RBM20: variants seen among roughly 807,000 people sequenced by gnomAD.
RBM20 encodes RNA-binding protein 20.
A neutral mutation model predicts 110.1 loss-of-function variants in RBM20; 51 were observed. That is an observed-to-expected ratio of 0.46 (90% confidence interval 0.37 to 0.59). The LOEUF is 0.59. Ranked by LOEUF, RBM20 falls within the 20% of genes least tolerant of loss-of-function variation. The pLI is 0.00. For synonymous variants in RBM20, 589 were observed against 618.2 expected (o/e 0.95, Z 0.70); for missense variants, 1,512 against 1,574.9 (o/e 0.96, Z 0.68).
chr10:110,836,240 T>C lies in RBM20; in HGVS notation c.*262T>C, dbSNP rs1460432640. On this transcript the variant is annotated 3_prime_UTR_variant, in exon 14 of 14. Coordinates refer to ENST00000369519, the MANE Select transcript of RBM20 (RefSeq NM_001134363.3). The stretch of plus-strand genomic sequence containing the variant: ...CTCTTGTTTCTCTCAATCTTTCAAT[T>C]CGTTTTTCTCTCTTTTCCTCTTGTT... 8 of 288,690 alleles carry C rather than the reference T, an allele frequency of 2.8e-5. No individual in the cohort carries two copies. The highest frequency in any genetic ancestry group is 5.1e-5 in the Non-Finnish European group (8 of 156,288). 17.9% of individuals were successfully genotyped at this position (288,690 alleles called of 1,614,324 possible).
At chr10:110,798,000 T>G (rs921809575) in intron 6 of RBM20, among the ~76,000 whole-genome samples, 38 of 152,318 alleles carry the variant, frequency 2.5e-4, no homozygotes, top group Non-Finnish European at 3.8e-4. Flanking sequence ...AATTATAATC[T>G]TATCCTCTAA....
intron 1 of RBM20, among the ~76,000 whole-genome samples, chr10:110,704,884 A>G (rs953691943): frequency 6.6e-6 from 1 of 152,224 alleles, no homozygotes; most frequent in African/African-American, 2.4e-5. Flanking sequence ...GGTCTTTTGT[A>G]TTTGACAAAA....
rs149709072 is a variant in RBM20 at position 110,826,707 on chromosome 10, G to A, written c.3451+3093G>A. ...AAGTGATTCTCCTGCCTCAGCCTCC[G>A]GAGTAGCTGGGATTACAGGCACCTG... On this transcript the variant is annotated intron_variant, in intron 12 of 13. Transcript: ENST00000369519. Among the ~76,000 whole-genome samples, 307 of 151,428 alleles carry A rather than the reference G, an allele frequency of 2.0e-3. 2 individuals carry two copies. Among genetic ancestry groups the A allele is most frequent in the African/African-American group, 7.1e-3 (292 of 41,284 alleles).
intron 1 of RBM20, among the ~76,000 whole-genome samples, chr10:110,764,935 C>T (rs556828338): frequency 3.8e-4 from 58 of 152,158 alleles, no homozygotes; most frequent in African/African-American, 1.1e-3. Flanking sequence ...AACATGTTCT[C>T]GGCGCTGAGC....
In RBM20 at chr10:110,669,723, G is replaced by T. The variant is rs1051490977; in HGVS notation, c.191+25078G>T. ...AGGCATGAGCCACTGTATCTGGCCT[G>T]GTTGTAGTACATTTCAAGGGACTGG... On this transcript the variant is annotated intron_variant, in intron 1 of 13. Coordinates refer to ENST00000369519, the MANE Select transcript of RBM20 (RefSeq NM_001134363.3). Among the ~76,000 whole-genome samples, 83 of 152,314 alleles carry T rather than the reference G, an allele frequency of 5.4e-4. 1 individual carries two copies. Among genetic ancestry groups the T allele is most frequent in the African/African-American group, 1.8e-3 (76 of 41,570 alleles).
intron 1 of RBM20, among the ~76,000 whole-genome samples, chr10:110,767,740 G>C (rs949868620): frequency 3.3e-5 from 5 of 152,088 alleles, no homozygotes; most frequent in Admixed American, 1.3e-4. Flanking sequence ...GGGCGGCCGG[G>C]CAGAGACGCT....
At chr10:110,696,083 A>C (rs1045747022) in intron 1 of RBM20, among the ~76,000 whole-genome samples, 3 of 152,148 alleles carry the variant, frequency 2.0e-5, no homozygotes, top group South Asian at 2.1e-4. Context: ...TGGGCCCAGG[A>C]ATCTGTTTTT....
Position 110,783,658 on chromosome 10 carries a change from G to A in RBM20, c.1337+231G>A, listed in dbSNP as rs200981898. On this transcript the variant is annotated intron_variant, in intron 3 of 13. Coordinates refer to ENST00000369519, the MANE Select transcript of RBM20 (RefSeq NM_001134363.3). Reference sequence around the variant, plus strand: ...GTAAATGCTAGGCAGAAAACACCAGGCAGAGGCCGGAAGTGCGTGTGTGCG... The same window carrying A: ...GTAAATGCTAGGCAGAAAACACCAGACAGAGGCCGGAAGTGCGTGTGTGCG... 4.6e-5 allele frequency among the ~76,000 whole-genome samples: 7 copies of A among 152,330 alleles called. No homozygotes were observed. In the East Asian group the frequency reaches 1.3e-3, roughly 29 times the overall value.
At chr10:110,832,143 GT>G (rs1385831350) in intron 13 of RBM20, among the ~76,000 whole-genome samples, 1 of 50,218 alleles carries the variant, frequency 2.0e-5, no homozygotes, top group East Asian at 1.2e-3. Context: ...TTAGAATGTG[GT>G]TTTCATGATT....
At chr10:110,784,156 T>C (rs1844390046) in intron 3 of RBM20, among the ~76,000 whole-genome samples, 185 bp from the exon 4 acceptor site, 1 of 152,244 alleles carries the variant, frequency 6.6e-6, no homozygotes, top group African/African-American at 2.4e-5. Flanking sequence ...TGATGGACAT[T>C]TGGATTGTTT....
chr10:110,722,543 G>A (rs1279905501), intron 1 of RBM20, among the ~76,000 whole-genome samples: 1 of 152,160 alleles, frequency 6.6e-6, no homozygotes, highest in Non-Finnish European at 1.5e-5. Flanking sequence ...TAGTTTCACT[G>A]CCCTAGTGAA....
At chr10:110,755,455 T>C (rs1843909587) in intron 1 of RBM20, among the ~76,000 whole-genome samples, 1 of 152,258 alleles carries the variant, frequency 6.6e-6, no homozygotes, top group South Asian at 2.1e-4. Context: ...TGTTTTTAGC[T>C]GAGGGCTCAT....
intron 9 of RBM20, among the ~76,000 whole-genome samples, chr10:110,814,421 G>A (rs1046331214): frequency 1.3e-5 from 2 of 152,172 alleles, no homozygotes; most frequent in Admixed American, 6.5e-5. Flanking sequence ...GCACAGGAAC[G>A]GGAAAATAGC....
intron 1 of RBM20, among the ~76,000 whole-genome samples, chr10:110,776,193 G>T (rs1473816890): frequency 6.6e-6 from 1 of 152,094 alleles, no homozygotes; most frequent in African/African-American, 2.4e-5. Flanking sequence ...TGGATGTTTG[G>T]TCAGATGGTC....
chr10:110,657,614 A>G (rs1448675766), intron 1 of RBM20, among the ~76,000 whole-genome samples: 1 of 152,196 alleles, frequency 6.6e-6, no homozygotes, highest in Non-Finnish European at 1.5e-5. Context: ...TGCTTAGCAT[A>G]ATGATTTTGA....
chr10:110,689,856 C>G (rs770692460), intron 1 of RBM20, among the ~76,000 whole-genome samples: 3 of 152,074 alleles, frequency 2.0e-5, no homozygotes, highest in Non-Finnish European at 4.4e-5. Context: ...GAGGTAGAAG[C>G]CAGGGAAGAT....
chr10:110,812,567 G>A lies in RBM20; in HGVS notation c.2170G>A (p.Asp724Asn). ...CCGGCAACTGGACAAGGCTGAGTTG[G>A]ACGAGCGACCAGAAGGAGGGAGGCC... ...HPRQLDKAEL[D>N]ERPEGGRPHR... is the part of the protein sequence containing the mutation. Residue 724 changes from aspartate (D) to asparagine (N), a missense_variant, in exon 9 of 14, where the codon GAC (aspartate) becomes AAC (asparagine). Transcript: ENST00000369519. 1.3e-6 allele frequency: 2 copies of A among 1,551,756 alleles called. No individual in the cohort carries two copies.
At chr10:110,687,590 T>C (rs1454869916) in intron 1 of RBM20, among the ~76,000 whole-genome samples, 1 of 152,230 alleles carries the variant, frequency 6.6e-6, no homozygotes, top group Admixed American at 6.5e-5. Flanking sequence ...GTAACACATA[T>C]TATAGAACAA....
chr10:110,821,244 C>T (rs1844904721), intron 10 of RBM20, 31 bp from the exon 11 acceptor site: 1 of 1,538,250 alleles, frequency 6.5e-7, no homozygotes, highest in Non-Finnish European at 8.8e-7. Context: ...TCTCAACCAC[C>T]CTCTGACCTC....
Sources: gnomAD v4.1 joint callset for allele counts (sites outside exome capture counted in the v4.1 genomes callset) on GRCh38, gnomAD v4.1.1 for gene constraint, MANE v1.5 for transcripts, NCBI Gene and HGNC (gene_info 2026-07-23, HGNC 2026-07-21) for gene names.